Variants in RBFOX1 observed in about 807,000 individuals in gnomAD.
RBFOX1 encodes RNA binding fox-1 homolog 1.
In RBFOX1, 8 loss-of-function variants were observed where a neutral mutation model predicts 57.7. That is an observed-to-expected ratio of 0.14 (90% CI 0.08 to 0.25). The LOEUF (loss-of-function observed/expected upper bound fraction) is 0.25. RBFOX1 is among the 10% of genes least tolerant of loss of function. The probability of loss-of-function intolerance (pLI) is 1.00; values close to 1 mark genes in which losing one functional copy is unlikely to be tolerated. For synonymous variants in RBFOX1, 326 were observed against 222.4 expected (o/e 1.47, Z -4.15); for missense variants, 611 against 548.5 (o/e 1.11, Z -1.14).
chr16:7,216,381 G>T (rs1012005376), intron 4 of RBFOX1, among the ~76,000 whole-genome samples: 5 of 152,056 alleles, frequency 3.3e-5, no homozygotes, highest in Admixed American at 1.3e-4. Flanking sequence ...TAGACCGGGC[G>T]CAGTGGCTCA....
intron 5 of RBFOX1, among the ~76,000 whole-genome samples, chr16:7,571,209 G>A (rs61623275): frequency 0.39 from 58,601 of 151,564 alleles, 11,730 homozygotes; most frequent in South Asian, 0.53. Flanking sequence ...CAGAACTTAA[G>A]GAAGAAAAAA....
intron 4 of RBFOX1, among the ~76,000 whole-genome samples, chr16:5,879,000 T>G (rs1438970454): frequency 6.6e-6 from 1 of 152,214 alleles, no homozygotes; most frequent in African/African-American, 2.4e-5. Context: ...TTTCTACTTT[T>G]GCCCTGGTAC....
intron 1 of RBFOX1, among the ~76,000 whole-genome samples, chr16:6,136,510 A>G (rs1454785362): frequency 2.0e-5 from 3 of 152,132 alleles, no homozygotes; most frequent in Non-Finnish European, 4.4e-5. Flanking sequence ...TTTTCTGACC[A>G]TATTTTAGAT....
intron 4 of RBFOX1, among the ~76,000 whole-genome samples, chr16:7,176,879 G>A (rs79529162): frequency 6.6e-6 from 1 of 152,228 alleles, no homozygotes; most frequent in South Asian, 2.1e-4. Context: ...GCAGGAATGG[G>A]GGGAGAGGAA....
intron 4 of RBFOX1, among the ~76,000 whole-genome samples, chr16:7,514,025 C>G (rs955043682): frequency 6.6e-6 from 1 of 152,072 alleles, no homozygotes; most frequent in African/African-American, 2.4e-5. Context: ...TATTTCCTGC[C>G]CAAACTACTT....
rs1034439938 is a variant in RBFOX1 at position 5,628,992 on chromosome 16, C to T, written c.318+30031C>T. ...ATGTCAACAGAGTAAACTGTGAGTG[C>T]GATTAAATGTCTTTCTAATGATGCC... is the stretch of plus-strand genomic sequence containing the variant. On this transcript the variant is annotated intron_variant, in intron 3 of 19. Coordinates refer to the RBFOX1 transcript ENST00000641259. Among the ~76,000 whole-genome samples, 18 of 152,046 alleles carry T rather than the reference C, an allele frequency of 1.2e-4. 1 individual carries two copies. The highest frequency in any genetic ancestry group is 4.6e-4 in the Admixed American group (7 of 15,262).
At chr16:7,205,913 G>C (rs1377870496) in intron 4 of RBFOX1, among the ~76,000 whole-genome samples, 1 of 152,180 alleles carries the variant, frequency 6.6e-6, no homozygotes, top group Non-Finnish European at 1.5e-5. Context: ...TCCCCACTTC[G>C]GTGTTTATGC....
At chr16:5,916,099 G>A (rs914040056) in intron 4 of RBFOX1, among the ~76,000 whole-genome samples, 10 of 152,092 alleles carry the variant, frequency 6.6e-5, no homozygotes, top group Admixed American at 1.3e-4. Context: ...ACTTTAAGCC[G>A]TATCTCAAGT....
At chr16:5,606,070 C>G (rs1567289076) in intron 3 of RBFOX1, among the ~76,000 whole-genome samples, 1 of 152,312 alleles carries the variant, frequency 6.6e-6, no homozygotes, top group South Asian at 2.1e-4. Context: ...CGTGGCATGT[C>G]TCTAGTTGAC....
At chr16:6,742,289 A>G (rs1045945047) in intron 3 of RBFOX1, among the ~76,000 whole-genome samples, 15 of 152,206 alleles carry the variant, frequency 9.9e-5, no homozygotes, top group African/African-American at 3.1e-4. Flanking sequence ...ATAACATATC[A>G]TTATACACAT....
At chr16:6,568,551 A>G (rs1229031615) in intron 2 of RBFOX1, among the ~76,000 whole-genome samples, 1 of 152,124 alleles carries the variant, frequency 6.6e-6, no homozygotes. Flanking sequence ...ACTCTTGTAC[A>G]GTGTGGGAGG....
chr16:6,301,918 G>T (rs957853199), intron 1 of RBFOX1, among the ~76,000 whole-genome samples: 1 of 152,112 alleles, frequency 6.6e-6, no homozygotes, highest in Non-Finnish European at 1.5e-5. Flanking sequence ...CCAGCCACTT[G>T]GCAGAAGAAC....
chr16:6,944,270 C>T (rs1236835673), intron 3 of RBFOX1, among the ~76,000 whole-genome samples: 1 of 151,932 alleles, frequency 6.6e-6, no homozygotes, highest in Admixed American at 6.6e-5. Flanking sequence ...TGGTGGGCGC[C>T]TGTAATCCCA....
chr16:7,701,960 C>G (rs960770453), intron 14 of RBFOX1, among the ~76,000 whole-genome samples: 1 of 152,122 alleles, frequency 6.6e-6, no homozygotes, highest in Non-Finnish European at 1.5e-5. Context: ...TTCTGGAAAC[C>G]CTCTCAAATC....
At chr16:5,911,091 A>G (rs530687363) in intron 4 of RBFOX1, among the ~76,000 whole-genome samples, 2 of 152,284 alleles carry the variant, frequency 1.3e-5, no homozygotes, top group South Asian at 4.2e-4. Context: ...TTCTAGGGGA[A>G]CAGAAACTAA....
chr16:6,381,126 G>T (rs1484832104), intron 2 of RBFOX1, among the ~76,000 whole-genome samples: 2 of 152,134 alleles, frequency 1.3e-5, no homozygotes, highest in African/African-American at 2.4e-5. Context: ...AAAAGAATTT[G>T]TCTGAGAGCT....
At chr16:7,646,534 G>C (rs1431560346) in intron 11 of RBFOX1, among the ~76,000 whole-genome samples, 1 of 152,228 alleles carries the variant, frequency 6.6e-6, no homozygotes, top group Non-Finnish European at 1.5e-5. Flanking sequence ...AGCAAAGGGA[G>C]AGGAGGAGCA....
At chr16:5,512,000 G>A (rs2043608893) in intron 2 of RBFOX1, among the ~76,000 whole-genome samples, 1 of 152,218 alleles carries the variant, frequency 6.6e-6, no homozygotes, top group Admixed American at 6.5e-5. Context: ...AAGGGAAGCA[G>A]AAATAAATCT....
At chr16:5,771,482 C>A (rs776713186) in intron 3 of RBFOX1, among the ~76,000 whole-genome samples, 2 of 152,222 alleles carry the variant, frequency 1.3e-5, no homozygotes, top group Non-Finnish European at 2.9e-5. Context: ...GATCTCAGTT[C>A]ATTGCAGCTT....
Sources: gnomAD v4.1 joint callset for allele counts (sites outside exome capture counted in the v4.1 genomes callset) on GRCh38, gnomAD v4.1.1 for gene constraint, MANE v1.5 for transcripts, NCBI Gene and HGNC (gene_info 2026-07-23, HGNC 2026-07-21) for gene names.